ZNF438: variants seen among roughly 807,000 people sequenced by gnomAD.
ZNF438 encodes zinc finger protein 438.
ZNF438 carries 25 observed loss-of-function variants against 38.0 expected under a neutral mutation model. The observed-to-expected ratio is 0.66, with a 90% CI of 0.48 to 0.92. The LOEUF (loss-of-function observed/expected upper bound fraction) is 0.92. Ranked by LOEUF, ZNF438 falls within the 40% of genes least tolerant of loss-of-function variation. ZNF438 has a pLI of 0.00. For missense variants in ZNF438, 1,007 were observed against 999.6 expected (o/e 1.01, Z -0.10); for synonymous variants, 372 against 364.1 (o/e 1.02, Z -0.25).
At chr10:30,856,457 ACT>A (rs1247177372) in intron 4 of ZNF438, among the ~76,000 whole-genome samples, 1 of 150,348 alleles carries the variant, frequency 6.7e-6, no homozygotes, top group African/African-American at 2.4e-5. Context: ...GTTTTCAAAA[ACT>A]CTAACATACT....
chr10:31,029,586 C>T (rs1399958682), intron 1 of ZNF438, among the ~76,000 whole-genome samples: 1 of 152,200 alleles, frequency 6.6e-6, no homozygotes, highest in African/African-American at 2.4e-5. Flanking sequence ...GCCCAAACCA[C>T]CATCATTTCA....
intron 1 of ZNF438, among the ~76,000 whole-genome samples, chr10:30,999,772 A>T (rs574781861): frequency 1.7e-4 from 26 of 152,220 alleles, no homozygotes; most frequent in Admixed American, 1.6e-3. Flanking sequence ...TTTTAACTTG[A>T]TCTATGGTCA....
intron 1 of ZNF438, among the ~76,000 whole-genome samples, chr10:31,023,576 A>G (rs949438543): frequency 1.3e-5 from 2 of 152,242 alleles, no homozygotes; most frequent in African/African-American, 2.4e-5. Context: ...TATTAGCGCC[A>G]TAGCTAACAT....
At chr10:30,991,189 T>C (rs2053451743) in intron 1 of ZNF438, among the ~76,000 whole-genome samples, 1 of 152,224 alleles carries the variant, frequency 6.6e-6, no homozygotes, top group Admixed American at 6.5e-5. Context: ...CGGTCAAGAA[T>C]ATGGGGGCTC....
In ZNF438 at chr10:30,849,417, G is replaced by GT; in HGVS notation, c.987dup (p.Pro330ThrfsTer8). ...GCATTAAAGCCTTCTGTGGTGGAGG[G>GT]TATCTTATCACAGTCGGCCTTAGGT... On this transcript the variant is annotated frameshift_variant, in exon 5 of 6. Transcript: ENST00000413025. LOFTEE classifies it high-confidence loss of function. 1.2e-6 allele frequency: 2 copies of GT among 1,614,168 alleles called. No individual in the cohort carries two copies. The highest frequency in any genetic ancestry group is 2.2e-5 in the South Asian group (2 of 91,078).
intron 3 of ZNF438, among the ~76,000 whole-genome samples, chr10:30,887,038 C>T (rs940677910): frequency 2.0e-5 from 3 of 152,158 alleles, no homozygotes; most frequent in Non-Finnish European, 4.4e-5. Flanking sequence ...CAAATGACTC[C>T]CCTGTGAGCG....
intron 2 of ZNF438, among the ~76,000 whole-genome samples, chr10:30,939,717 A>C (rs1458271089): frequency 6.6e-6 from 1 of 152,228 alleles, no homozygotes; most frequent in African/African-American, 2.4e-5. Flanking sequence ...TCAGAGGTCC[A>C]GCTCAGACTC....
At chr10:30,960,609 T>C (rs535888784) in intron 1 of ZNF438, among the ~76,000 whole-genome samples, 4 of 146,976 alleles carry the variant, frequency 2.7e-5, no homozygotes, top group Non-Finnish European at 6.2e-5. Context: ...TTCCTCTCCA[T>C]TGATTTATAT....
intron 2 of ZNF438, among the ~76,000 whole-genome samples, chr10:30,913,128 C>T (rs996680946): frequency 3.9e-5 from 6 of 152,072 alleles, no homozygotes; most frequent in South Asian, 4.1e-4. Context: ...GCACCATCCA[C>T]GCTGCAGCCA....
At chr10:30,887,996 A>G (rs936948638) in intron 3 of ZNF438, among the ~76,000 whole-genome samples, 1 of 152,178 alleles carries the variant, frequency 6.6e-6, no homozygotes, top group Non-Finnish European at 1.5e-5. Context: ...ATCATATTCC[A>G]TTATATGAAT....
chr10:30,857,042 G>C (rs972797193), intron 4 of ZNF438, among the ~76,000 whole-genome samples: 1 of 152,098 alleles, frequency 6.6e-6, no homozygotes, highest in Non-Finnish European at 1.5e-5. Context: ...AGAAAAATGA[G>C]GTTTGAGGAA....
chr10:30,861,201 A>G (rs61843570), intron 4 of ZNF438, among the ~76,000 whole-genome samples: 22,839 of 152,190 alleles, frequency 0.15, 1,844 homozygotes, highest in Non-Finnish European at 0.19. Flanking sequence ...TAACCTATGC[A>G]TACCTCCTCC....
intron 4 of ZNF438, among the ~76,000 whole-genome samples, chr10:30,854,387 T>C (rs1442016739): frequency 6.6e-6 from 1 of 152,056 alleles, no homozygotes; most frequent in African/African-American, 2.4e-5. Context: ...GGACAGGGAG[T>C]TGGTCTGTGT....
intron 4 of ZNF438, among the ~76,000 whole-genome samples, chr10:30,868,367 G>A (rs371908684): frequency 1.3e-4 from 20 of 152,146 alleles, no homozygotes; most frequent in African/African-American, 2.7e-4. Context: ...CACCGTGCCC[G>A]GCCTGAAGGA....
intron 3 of ZNF438, among the ~76,000 whole-genome samples, chr10:30,881,332 C>T (rs2039226108): frequency 6.6e-6 from 1 of 151,946 alleles, no homozygotes; most frequent in African/African-American, 2.4e-5. Flanking sequence ...TTTTTGTATC[C>T]TAGAAATAAT....
At chr10:30,950,624 A>C (rs1294805536) in intron 1 of ZNF438, among the ~76,000 whole-genome samples, 27 of 150,370 alleles carry the variant, frequency 1.8e-4, no homozygotes, top group Admixed American at 9.3e-4. Flanking sequence ...AAACACCTCT[A>C]TGCAAATAAA....
At chr10:30,975,834 T>C (rs1325723056) in intron 1 of ZNF438, among the ~76,000 whole-genome samples, 1 of 152,136 alleles carries the variant, frequency 6.6e-6, no homozygotes, top group African/African-American at 2.4e-5. Context: ...TGTGACAACT[T>C]AGGGTTTTCA....
At chr10:30,900,271 A>C (rs1455045497) in intron 3 of ZNF438, among the ~76,000 whole-genome samples, 1 of 152,056 alleles carries the variant, frequency 6.6e-6, no homozygotes, top group Non-Finnish European at 1.5e-5. Flanking sequence ...CTTAGCTTGC[A>C]GGCCACACAA....
chr10:30,958,871 C>T (rs1032991279), intron 1 of ZNF438, among the ~76,000 whole-genome samples: 4 of 147,342 alleles, frequency 2.7e-5, no homozygotes, highest in Non-Finnish European at 6.2e-5. Context: ...TTCATCCATG[C>T]TGCAGCATAT....
Sources: gnomAD v4.1 joint callset for allele counts (sites outside exome capture counted in the v4.1 genomes callset) on GRCh38, gnomAD v4.1.1 for gene constraint, MANE v1.5 for transcripts, NCBI Gene and HGNC (gene_info 2026-07-23, HGNC 2026-07-21) for gene names.